HCN1: variants seen among roughly 807,000 people sequenced by gnomAD.
The protein encoded by HCN1 is hyperpolarization activated cyclic nucleotide gated potassium channel 1, also known as potassium/sodium hyperpolarization-activated cyclic nucleotide-gated channel 1.
In HCN1, 13 loss-of-function variants were observed where a neutral mutation model predicts 78.9. The ratio of observed to expected loss-of-function variants is 0.16; its 90% CI spans 0.11 to 0.26. The LOEUF (loss-of-function observed/expected upper bound fraction) is 0.26, where lower values mean the gene tolerates loss of function less well. Ranked by LOEUF, HCN1 falls within the 10% of genes least tolerant of loss-of-function variation. The probability of loss-of-function intolerance (pLI) is 1.00; values close to 1 mark genes in which losing one functional copy is unlikely to be tolerated. For synonymous variants in HCN1, 552 were observed against 455.5 expected (o/e 1.21, Z -2.70); for missense variants, 810 against 1,154.3 (o/e 0.70, Z 4.32).
rs769305273 is a variant in HCN1 at position 45,695,826 on chromosome 5, G to T, written c.268C>A (p.Gln90Lys). The change falls in exon 1 of 8, where the codon CAG becomes AAG. Residue 90 changes from glutamine (Q) to lysine (K), a missense_variant. Physicochemically the swap from Gln to Lys is moderately conservative, Grantham distance 53. This residue lies in a region of HCN1 where 170 missense variants were observed against 166.8 expected (regional missense o/e 1.02). Coordinates refer to ENST00000303230, the MANE Select transcript of HCN1 (RefSeq NM_021072.4). ...GFEDAEGPRR[Q>K]YGFMQRQFTS... Reference sequence around the variant, plus strand: ...AACTGCCTCTGCATGAAGCCGTACTGCCGCCGGGGCCCCTCGGCGTCTTCG... The same window carrying T: ...AACTGCCTCTGCATGAAGCCGTACTTCCGCCGGGGCCCCTCGGCGTCTTCG... 1.1e-5 allele frequency: 18 copies of T among 1,605,566 alleles called. No individual in the cohort carries two copies. The highest frequency in any genetic ancestry group is 1.5e-5 in the Non-Finnish European group (18 of 1,178,522).
rs189512319 is a variant in HCN1, at chr5:45,372,084, T to C, written c.1231-18838A>G. On this transcript the variant is annotated intron_variant, in intron 4 of 7. Coordinates refer to ENST00000303230, the MANE Select transcript of HCN1 (RefSeq NM_021072.4). ...ATTATATTATATATTATATATAATA[T>C]AATTATATATATATTTTATATATAA... Among the ~76,000 whole-genome samples, 338 of 58,472 alleles carry C rather than the reference T, an allele frequency of 5.8e-3. 22 individuals are homozygous for C. The Admixed American group carries it at 0.059, about 10-fold the overall frequency. The allele number at this position is 58,472 out of a possible 152,430, so 38.4% of individuals were successfully genotyped here.
At chr5:45,579,705 G>A (rs565751337) in intron 2 of HCN1, among the ~76,000 whole-genome samples, 1 of 152,192 alleles carries the variant, frequency 6.6e-6, no homozygotes, top group South Asian at 2.1e-4. Flanking sequence ...TGGAGGAAGG[G>A]AAGGTATAGC....
rs1744652138 is a variant in HCN1 at position 45,257,940 on chromosome 5, C to G, written c.*3981G>C. ...ATTCTATAAGGCCCATGTTTCTTTC[C>G]CATGGTACAGTATGAGTACTTTTTA... On this transcript the variant is annotated 3_prime_UTR_variant, in exon 8 of 8. Transcript: ENST00000303230. The G allele has an allele frequency of 7.1e-6, 1 of 140,902 alleles. No individual in the cohort carries two copies. Among genetic ancestry groups the G allele is most frequent in the South Asian group, 2.1e-4 (1 of 4,790 alleles). The allele number at this position is 140,902 out of a possible 1,614,324, so 8.7% of individuals were successfully genotyped here. A position where few individuals can be genotyped will look rare whatever the true frequency, so the allele number is the denominator to read the frequency against.
intron 2 of HCN1, among the ~76,000 whole-genome samples, chr5:45,564,285 G>C (rs1214673000): frequency 3.3e-5 from 5 of 151,118 alleles, no homozygotes; most frequent in Non-Finnish European, 2.9e-5. Context: ...TTTTGAGACG[G>C]AGTCTTGCTC....
At chr5:45,377,772 G>A (rs920048657) in intron 4 of HCN1, among the ~76,000 whole-genome samples, 1 of 151,950 alleles carries the variant, frequency 6.6e-6, no homozygotes, top group Non-Finnish European at 1.5e-5. Context: ...AAATACATAA[G>A]ACTATAACAA....
At position 45,262,117 on chromosome 5, in the gene HCN1, C is replaced by T. The variant is rs1204287489; in HGVS notation, c.2477G>A (p.Gly826Asp). The T allele has an allele frequency of 1.9e-6, 3 of 1,612,778 alleles. No individual in the cohort carries two copies. The highest frequency in any genetic ancestry group is 2.2e-5 in the South Asian group (2 of 91,064). Residue 826 changes from glycine (G) to aspartate (D), a missense_variant, in exon 8 of 8, where the codon GGC (glycine) becomes GAC (aspartate). This residue lies in a region of HCN1 where 398 missense variants were observed against 381.3 expected (regional missense o/e 1.04). Transcript: ENST00000303230. ...AGTGCTCCTGCCCCCTGCCTGAAGG[C>T]CCGTTCCGGGGACCGCCGTCACGGG... ...PQPVTAVPGT[G>D]LQAGGRSTVP...
At chr5:45,624,349 G>A (rs779756878) in intron 2 of HCN1, among the ~76,000 whole-genome samples, 4 of 152,218 alleles carry the variant, frequency 2.6e-5, no homozygotes, top group Non-Finnish European at 5.9e-5. Flanking sequence ...GGTTAGAAGT[G>A]GTCAGACTCC....
intron 5 of HCN1, among the ~76,000 whole-genome samples, chr5:45,340,622 T>C (rs1746557526): frequency 2.0e-5 from 3 of 152,104 alleles, no homozygotes; most frequent in African/African-American, 4.8e-5. Context: ...AAGTTTTAGA[T>C]TTAAAAAGCA....
chr5:45,398,592 CA>C (rs1739732403), intron 3 of HCN1, among the ~76,000 whole-genome samples: 1 of 152,094 alleles, frequency 6.6e-6, no homozygotes, highest in Non-Finnish European at 1.5e-5. Context: ...TAAATGTATG[CA>C]AGGATGTTTT....
intron 2 of HCN1, among the ~76,000 whole-genome samples, chr5:45,567,598 CACACACAG>C (rs1234206588): frequency 7.1e-6 from 1 of 140,910 alleles, no homozygotes; most frequent in Admixed American, 6.9e-5. Context: ...CACACACACA[CACACACAG>C]AGTTATATAC....
intron 1 of HCN1, among the ~76,000 whole-genome samples, chr5:45,676,985 AT>A (rs1003094979): frequency 1.3e-5 from 2 of 151,834 alleles, no homozygotes; most frequent in Non-Finnish European, 2.9e-5. Flanking sequence ...ATGATTCAAA[AT>A]TTTTTTCAGC....
chr5:45,561,295 C>T (rs1385622197), intron 2 of HCN1, among the ~76,000 whole-genome samples: 1 of 151,780 alleles, frequency 6.6e-6, no homozygotes, highest in Non-Finnish European at 1.5e-5. Context: ...TCATTGAATC[C>T]TCCTGAGTGT....
At position 45,416,513 on chromosome 5, in the gene HCN1, G is replaced by A. The variant is rs117819982; in HGVS notation, c.1012-19803C>T. Among the ~76,000 whole-genome samples, 627 of 152,004 alleles carry A rather than the reference G, an allele frequency of 4.1e-3. 25 individuals carry two copies. The East Asian group carries it at 0.11, about 27-fold the overall frequency. On this transcript the variant is annotated intron_variant, in intron 3 of 7. Coordinates refer to ENST00000303230, the MANE Select transcript of HCN1 (RefSeq NM_021072.4). ...TCCTTAGATGAAGAAAACAAAAACA[G>A]CACTGACATTGAAAGTAAAAAGTGT...
At chr5:45,311,138 C>T (rs1745844726) in intron 5 of HCN1, among the ~76,000 whole-genome samples, 1 of 152,080 alleles carries the variant, frequency 6.6e-6, no homozygotes, top group Non-Finnish European at 1.5e-5. Flanking sequence ...AACAAACGTG[C>T]ACATCCTGCA....
intron 3 of HCN1, among the ~76,000 whole-genome samples, chr5:45,438,589 C>CAA (rs60699282): frequency 8.7e-4 from 83 of 95,756 alleles, no homozygotes; most frequent in Admixed American, 7.8e-3. Context: ...GACTCCGTCT[C>CAA]AAAAAAAAAA....
At chr5:45,462,209 A>G (rs975281189) in intron 2 of HCN1, among the ~76,000 whole-genome samples, 3 of 152,140 alleles carry the variant, frequency 2.0e-5, no homozygotes, top group African/African-American at 4.8e-5. Flanking sequence ...ATTAAAGCCA[A>G]CTATGTCTCA....
At chr5:45,447,521 G>A (rs1370475633) in intron 3 of HCN1, among the ~76,000 whole-genome samples, 1 of 152,096 alleles carries the variant, frequency 6.6e-6, no homozygotes, top group East Asian at 1.9e-4. Flanking sequence ...GCGATTACAG[G>A]CATGAGCCAC....
intron 2 of HCN1, among the ~76,000 whole-genome samples, chr5:45,588,121 AC>A (rs1305497371): frequency 6.6e-6 from 1 of 152,194 alleles, no homozygotes; most frequent in Non-Finnish European, 1.5e-5. Context: ...CCAAGTTGTT[AC>A]AGTATCTTGA....
rs1178847078 is a variant in HCN1 at position 45,549,833 on chromosome 5, C to T, written c.850-87826G>A. ...GCAAACAACCCCATCAAAAAGTGGG[C>T]GAAGGATACGAACAGACACTTCTCA... On this transcript the variant is annotated intron_variant, in intron 2 of 7. Coordinates refer to ENST00000303230, the MANE Select transcript of HCN1 (RefSeq NM_021072.4). 7.2e-5 allele frequency among the ~76,000 whole-genome samples: 11 copies of T among 152,198 alleles called. No individual in the cohort carries two copies. In the East Asian group the frequency reaches 9.7e-4, roughly 13 times the overall value.
Sources: allele counts gnomAD v4.1 joint callset (sites outside exome capture counted in the v4.1 genomes callset), GRCh38; gene constraint gnomAD v4.1.1; regional missense constraint gnomAD v4.1.1; transcripts MANE v1.5; gene names NCBI Gene and HGNC (gene_info 2026-07-23, HGNC 2026-07-21).